MGMT: variants seen among roughly 807,000 people sequenced by gnomAD.
MGMT encodes O-6-methylguanine-DNA methyltransferase.
MGMT carries 14 observed loss-of-function variants against 15.9 expected under a neutral mutation model. The observed-to-expected ratio is 0.88, with a 90% CI of 0.58 to 1.37. The LOEUF (loss-of-function observed/expected upper bound fraction) is 1.37. Ranked by LOEUF, MGMT falls within the 40% of genes most tolerant of loss-of-function variation. The pLI, the probability that MGMT is intolerant of heterozygous loss-of-function variation, is 0.00. For synonymous variants in MGMT, 130 were observed against 118.2 expected (o/e 1.10, Z -0.65); for missense variants, 282 against 268.1 (o/e 1.05, Z -0.36).
chr10:129,667,714 C>T lies in MGMT; in HGVS notation c.126-40181C>T, dbSNP rs189624675. On this transcript the variant is annotated intron_variant, in intron 2 of 4. Coordinates refer to ENST00000651593, the MANE Select transcript of MGMT (RefSeq NM_002412.5). ...CCAGTGTGATTAAACATCAGATTAG[C>T]GCCCATTAGCAATGTCTGAGGCTGC... 9.8e-5 allele frequency among the ~76,000 whole-genome samples: 15 copies of T among 152,292 alleles called. No individual in the cohort carries two copies. In the South Asian group the frequency reaches 1.7e-3, roughly 17 times the overall value.
intron 2 of MGMT, among the ~76,000 whole-genome samples, chr10:129,560,456 A>G (rs918770638): frequency 6.6e-6 from 1 of 152,200 alleles, no homozygotes; most frequent in Non-Finnish European, 1.5e-5. Context: ...ATCTACAGAT[A>G]TTGGTAAGGT....
intron 2 of MGMT, among the ~76,000 whole-genome samples, chr10:129,604,677 G>C (rs1846866150): frequency 6.6e-6 from 1 of 151,976 alleles, no homozygotes; most frequent in Non-Finnish European, 1.5e-5. Context: ...GGGCTGCAGT[G>C]GTTCACTGGG....
At chr10:129,545,570 G>A (rs1367044313) in intron 2 of MGMT, among the ~76,000 whole-genome samples, 1 of 152,146 alleles carries the variant, frequency 6.6e-6, no homozygotes, top group Non-Finnish European at 1.5e-5. Flanking sequence ...AATGGTGGTG[G>A]CAGTTACCCA....
At chr10:129,655,577 C>T (rs1014800576) in intron 2 of MGMT, among the ~76,000 whole-genome samples, 3 of 152,074 alleles carry the variant, frequency 2.0e-5, no homozygotes, top group African/African-American at 7.2e-5. Flanking sequence ...TGTGCATGTT[C>T]GTGTGTGACT....
chr10:129,650,754 C>T (rs1847448088), intron 2 of MGMT, among the ~76,000 whole-genome samples: 1 of 152,152 alleles, frequency 6.6e-6, no homozygotes, highest in South Asian at 2.1e-4. Context: ...CGGTCACACA[C>T]TGTGAAGATG....
At chr10:129,486,177 C>CTTTTTT (rs33985155) in intron 1 of MGMT, among the ~76,000 whole-genome samples, 1 of 113,304 alleles carries the variant, frequency 8.8e-6, no homozygotes, top group African/African-American at 3.6e-5. Context: ...CTTCTCTTCT[C>CTTTTTT]TTTTTTTTTT....
intron 1 of MGMT, among the ~76,000 whole-genome samples, chr10:129,482,222 A>G (rs1845366298): frequency 6.6e-6 from 1 of 152,144 alleles, no homozygotes; most frequent in South Asian, 2.1e-4. Context: ...ATATTTGGGT[A>G]CTTTCCCAGT....
intron 2 of MGMT, among the ~76,000 whole-genome samples, chr10:129,666,292 T>A (rs1183586637): frequency 6.6e-6 from 1 of 152,214 alleles, no homozygotes; most frequent in Non-Finnish European, 1.5e-5. Context: ...GTTTTAAAAA[T>A]CCAGTTACAG....
chr10:129,664,709 A>T (rs1847637661), intron 2 of MGMT, among the ~76,000 whole-genome samples: 1 of 152,242 alleles, frequency 6.6e-6, no homozygotes, highest in South Asian at 2.1e-4. Flanking sequence ...AAGAATGATA[A>T]GCAGGATGAG....
At chr10:129,484,488 T>G (rs1845388750) in intron 1 of MGMT, among the ~76,000 whole-genome samples, 2 of 152,228 alleles carry the variant, frequency 1.3e-5, no homozygotes, top group Non-Finnish European at 2.9e-5. Context: ...ATTTCTCATG[T>G]CATATGTGGG....
At chr10:129,551,077 G>A (rs927364854) in intron 2 of MGMT, among the ~76,000 whole-genome samples, 2 of 152,208 alleles carry the variant, frequency 1.3e-5, no homozygotes, top group African/African-American at 4.8e-5. Context: ...AGGCCCAGAG[G>A]TGCAGGGCAG....
rs573400172 is a variant in MGMT, at chr10:129,703,031, C to T, written c.126-4864C>T. ...TTACTGTAGAAATGGAAATTTGTGT[C>T]ATGGCTTTAAAAATCTGGTTTTATG... On this transcript the variant is annotated intron_variant, in intron 2 of 4. Coordinates refer to ENST00000651593, the MANE Select transcript of MGMT (RefSeq NM_002412.5). Among the ~76,000 whole-genome samples the T allele has an allele frequency of 9.8e-5, 15 of 152,294 alleles. 1 individual carries two copies. The highest frequency in any genetic ancestry group is 3.4e-4 in the African/African-American group (14 of 41,554).
At chr10:129,467,394 T>C in intron 1 of MGMT, 98 bp downstream of exon 1, 1 of 1,387,556 alleles carries the variant, frequency 7.2e-7, no homozygotes. Flanking sequence ...CACTTCGCCG[T>C]CGGGTGTGGG....
intron 1 of MGMT, among the ~76,000 whole-genome samples, chr10:129,481,015 G>A (rs2119635449): frequency 6.6e-6 from 1 of 152,334 alleles, no homozygotes; most frequent in South Asian, 2.1e-4. Flanking sequence ...AGAAGGTCAA[G>A]ATTTAGTGAA....
In MGMT at chr10:129,613,377, C is replaced by T. The variant is rs567868766; in HGVS notation, c.125+77000C>T. On this transcript the variant is annotated intron_variant, in intron 2 of 4. Transcript: ENST00000651593. Reference sequence around the variant, plus strand: ...TGATTTGAATATCACATGCTTGGTCCGGGCACTTAGGTGGGCTTCAGTGAT... The same window carrying T: ...TGATTTGAATATCACATGCTTGGTCTGGGCACTTAGGTGGGCTTCAGTGAT... 8.5e-5 allele frequency among the ~76,000 whole-genome samples: 13 copies of T among 152,256 alleles called. No individual in the cohort carries two copies. In the South Asian group the frequency reaches 2.1e-3, roughly 24 times the overall value.
chr10:129,554,889 T>TAA (rs1846195785), intron 2 of MGMT, among the ~76,000 whole-genome samples: 1 of 152,202 alleles, frequency 6.6e-6, no homozygotes, highest in Non-Finnish European at 1.5e-5. Flanking sequence ...GCGAGATTCC[T>TAA]AACTCCTCTA....
chr10:129,518,951 C>A (rs547416463), intron 1 of MGMT, among the ~76,000 whole-genome samples: 13 of 146,950 alleles, frequency 8.8e-5, no homozygotes, highest in Admixed American at 2.0e-4. Context: ...CATGTCTCCG[C>A]AGGAAGAGGG....
chr10:129,594,410 G>A (rs543302233), intron 2 of MGMT, among the ~76,000 whole-genome samples: 1 of 152,318 alleles, frequency 6.6e-6, no homozygotes, highest in African/African-American at 2.4e-5. Context: ...TAAAAAATCA[G>A]ATTACTAAGG....
intron 3 of MGMT, among the ~76,000 whole-genome samples, chr10:129,716,198 G>T (rs1848294394): frequency 6.6e-6 from 1 of 152,208 alleles, no homozygotes; most frequent in Non-Finnish European, 1.5e-5. Flanking sequence ...GTTTAGTTCG[G>T]ATCAGGCCTT....
Sources: allele counts gnomAD v4.1 joint callset (sites outside exome capture counted in the v4.1 genomes callset), GRCh38; gene constraint gnomAD v4.1.1; transcripts MANE v1.5; gene names NCBI Gene and HGNC (gene_info 2026-07-23, HGNC 2026-07-21).